Variants in ASMT observed in about 807,000 individuals in gnomAD.
The protein encoded by ASMT is acetylserotonin N-methyltransferase.
ASMT carries 53 observed loss-of-function variants against 41.3 expected under a neutral mutation model. The observed-to-expected ratio is 1.28, with a 90% confidence interval of 1.03 to 1.61. The LOEUF is 1.61. ASMT is among the 40% of genes most tolerant of loss of function. ASMT has a pLI of 0.00. For missense variants in ASMT, 531 were observed against 441.3 expected (o/e 1.20, Z -1.82); for synonymous variants, 231 against 184.8 (o/e 1.25, Z -2.03).
rs184654495 is a variant in ASMT, at chrX:1,619,259, T to C, written c.70-3880T>C. ...AAATACAAAAATTACCTGGGCGTGG[T>C]GGCGGGCACCTGTAGTACCAGCTAC... On this transcript the variant is annotated intron_variant, in intron 1 of 8. Transcript: ENST00000381241. 1.9e-3 allele frequency among the ~76,000 whole-genome samples: 291 copies of C among 151,842 alleles called. 1 individual carries two copies. The highest frequency in any genetic ancestry group is 6.7e-3 in the African/African-American group (277 of 41,418).
In ASMT at chrX:1,636,537, G is replaced by A. The variant is rs772503026; in HGVS notation, c.887G>A (p.Arg296Lys). 4 of 1,613,482 alleles carry A rather than the reference G, an allele frequency of 2.5e-6. No individual in the cohort carries two copies. Among genetic ancestry groups the A allele is most frequent in the African/African-American group, 2.7e-5 (2 of 74,748 alleles). ...ADGKCSHLLE[R>K]IYHTCKPGGG... The stretch of plus-strand genomic sequence containing the variant: ...GGAAAGTGCTCACACCTGCTGGAGA[G>A]GATCTACCACACTTGCAAGCCAGGT... Residue 296 changes from arginine to lysine, a missense_variant, in exon 8 of 9, where the codon AGG becomes AAG. By Grantham distance (26) the Arg-to-Lys change is conservative. Transcript: ENST00000381241.
At position 1,627,825 on chromosome X, in the gene ASMT, A is replaced by G. The variant is rs1304912685; in HGVS notation, c.443+54A>G. The stretch of plus-strand genomic sequence containing the variant: ...CTCAGATAAGATTCTGTTTATTTTT[A>G]AAGGACTTAGGAAACCCAATCCATT... On this transcript the variant is annotated intron_variant, in intron 4 of 8. Transcript: ENST00000381241. 3 of 1,552,412 alleles carry G rather than the reference A, an allele frequency of 1.9e-6. No homozygotes were observed. The African/African-American group carries it at 4.1e-5, about 21-fold the overall frequency.
At chrX:1,616,666 T>C (rs1260144464) in intron 1 of ASMT, among the ~76,000 whole-genome samples, 1 of 151,366 alleles carries the variant, frequency 6.6e-6, no homozygotes, top group Non-Finnish European at 1.5e-5. Context: ...GCCCAGGAAT[T>C]CGAGACCAGT....
chrX:1,631,167 G>A (rs4933104), intron 5 of ASMT, among the ~76,000 whole-genome samples: 28,995 of 150,236 alleles, frequency 0.19, 2,827 homozygotes, highest in South Asian at 0.25. Flanking sequence ...ACCCGCCTCC[G>A]CCTCCCAAAG....
At chrX:1,631,060 G>T (rs182935959) in intron 5 of ASMT, among the ~76,000 whole-genome samples, 4 of 146,720 alleles carry the variant, frequency 2.7e-5, no homozygotes, top group Admixed American at 7.0e-5. Context: ...ACAGGCGCCC[G>T]CCACCACGCC....
intron 1 of ASMT, among the ~76,000 whole-genome samples, chrX:1,618,395 C>A (rs1223770456): frequency 6.6e-6 from 1 of 152,114 alleles, no homozygotes; most frequent in African/African-American, 2.4e-5. Flanking sequence ...AACTCCTGAC[C>A]TCGGGCGATC....
At chrX:1,620,166 C>CTTTT (rs1180256764) in intron 1 of ASMT, among the ~76,000 whole-genome samples, 17 of 95,404 alleles carry the variant, frequency 1.8e-4, no homozygotes, top group South Asian at 5.4e-4. Flanking sequence ...ATTAATATAG[C>CTTTT]TTTTTTTTTT....
At position 1,629,921 on chromosome X, in the gene ASMT, C is replaced by G. The variant is rs774201856; in HGVS notation, c.544C>G (p.Leu182Val). 9 of 1,613,816 alleles carry G rather than the reference C, an allele frequency of 5.6e-6. No homozygotes were observed. Among genetic ancestry groups the G allele is most frequent in the Non-Finnish European group, 7.6e-6 (9 of 1,179,832 alleles). The change falls in exon 5 of 9, where the codon CTT becomes GTT. Residue 182 changes from leucine to valine, a missense_variant. By Grantham distance (32) the Leu-to-Val change is conservative (BLOSUM62 1). Coordinates refer to ENST00000381241, the MANE Select transcript of ASMT (RefSeq NM_001171038.2). ...LTAFDLSVFP[L>V]MCDLGGTWIK... ...CGCCTTTGACCTGTCAGTGTTCCCACTTATGTGTGACCTTGGTGGTAAGTA... is the reference window on the plus strand; with the variant it reads ...CGCCTTTGACCTGTCAGTGTTCCCAGTTATGTGTGACCTTGGTGGTAAGTA...
chrX:1,637,204 A>C (rs377677548), intron 8 of ASMT, among the ~76,000 whole-genome samples: 2,978 of 28,812 alleles, frequency 0.1, 376 homozygotes, highest in African/African-American at 0.18. Context: ...AGGTCCATCC[A>C]TCCTGATGGC....
chrX:1,616,852 GCA>G (rs1569368614), intron 1 of ASMT, among the ~76,000 whole-genome samples: 19 of 151,526 alleles, frequency 1.3e-4, no homozygotes, highest in African/African-American at 4.4e-4. Context: ...GGGATTACAG[GCA>G]CCCGCCACCA....
At chrX:1,627,587 C>T (rs1283339770) in intron 3 of ASMT, 116 bp from the exon 4 acceptor site, 2 of 1,131,854 alleles carry the variant, frequency 1.8e-6, no homozygotes, top group African/African-American at 3.0e-5. Context: ...TGCCATTGCA[C>T]TCCAGCCTGG....
intron 1 of ASMT, among the ~76,000 whole-genome samples, chrX:1,615,738 G>C (rs1172388438): frequency 7.9e-5 from 12 of 151,636 alleles, no homozygotes; most frequent in South Asian, 2.1e-4. Context: ...GGAGGCGGAG[G>C]TTGCAGTGAG....
At chrX:1,623,018 TG>T in intron 1 of ASMT, 120 bp from the exon 2 acceptor site, 1 of 876,738 alleles carries the variant, frequency 1.1e-6, no homozygotes, top group Non-Finnish European at 1.7e-6. Flanking sequence ...AATAAATAAA[TG>T]AATAAGAATA....
At chrX:1,623,533 A>G (rs1454204801) in intron 2 of ASMT, among the ~76,000 whole-genome samples, 2 of 152,266 alleles carry the variant, frequency 1.3e-5, no homozygotes, top group East Asian at 3.9e-4. Flanking sequence ...CGGGAGGCAG[A>G]GGTTGCAGTG....
Position 1,636,573 on chromosome X carries a change from G to C in ASMT, c.910+13G>C. On this transcript the variant is annotated intron_variant, in intron 8 of 8. Coordinates refer to ENST00000381241, the MANE Select transcript of ASMT (RefSeq NM_001171038.2). ...ACTTGCAAGCCAGGTAAGTTGTGGG[G>C]TTTGCATTTCAGCGTGTGCTTGTGA... The C allele has an allele frequency of 1.2e-6, 2 of 1,613,848 alleles. No homozygotes were observed. The highest frequency in any genetic ancestry group is 2.2e-5 in the South Asian group (2 of 91,070).
intron 1 of ASMT, among the ~76,000 whole-genome samples, chrX:1,620,548 A>G (rs1222343816): frequency 3.9e-5 from 6 of 152,154 alleles, no homozygotes; most frequent in Admixed American, 3.3e-4. Flanking sequence ...CAAACAGTCA[A>G]TGCAACCTTA....
Position 1,627,778 on chromosome X carries a change from C to T in ASMT, c.443+7C>T. The T allele has an allele frequency of 1.9e-6, 3 of 1,613,202 alleles. No homozygotes were observed. The highest frequency in any genetic ancestry group is 1.3e-5 in the African/African-American group (1 of 75,032). The stretch of plus-strand genomic sequence containing the variant: ...TTTTTACGGCCATCTACAGGTAACA[C>T]CCATCACTTTGAAACCAACAACTCA... On this transcript the variant is annotated splice_region_variant and intron_variant, in intron 4 of 8. Transcript: ENST00000381241.
In ASMT at chrX:1,632,551, A is replaced by C. The variant is rs1374169163; in HGVS notation, c.563-153A>C. 3.3e-5 allele frequency among the ~76,000 whole-genome samples: 5 copies of C among 152,130 alleles called. No homozygotes were observed. The East Asian group carries it at 9.7e-4, about 29-fold the overall frequency. On this transcript the variant is annotated intron_variant, in intron 5 of 8. Coordinates refer to ENST00000381241, the MANE Select transcript of ASMT (RefSeq NM_001171038.2). ...GCGCCTGTAGTCCCAGCTACTGGGG[A>C]GGCTGAGGCAGGAGAATGGCGTGAA... is the stretch of plus-strand genomic sequence containing the variant.
chrX:1,632,568 T>C (rs1288092775), intron 5 of ASMT, 136 bp from the exon 6 acceptor site: 1 of 154,846 alleles, frequency 6.5e-6, no homozygotes, highest in Non-Finnish European at 1.4e-5. Flanking sequence ...GGCAGGAGAA[T>C]GGCGTGAACC....
Sources: gnomAD v4.1 joint callset for allele counts (sites outside exome capture counted in the v4.1 genomes callset) on GRCh38, gnomAD v4.1.1 for gene constraint, MANE v1.5 for transcripts, NCBI Gene and HGNC (gene_info 2026-07-23, HGNC 2026-07-21) for gene names.